The following PTGER3 variants were observed in gnomAD, a reference collection of about 807,000 sequenced individuals.
PTGER3 encodes prostaglandin E receptor 3, also known as prostaglandin E2 receptor EP3 subtype.
A neutral mutation model predicts 34.7 loss-of-function variants in PTGER3; 22 were observed. That is an observed-to-expected ratio of 0.63 (90% confidence interval 0.45 to 0.91). The LOEUF is 0.91. Among genes scored for constraint, PTGER3 ranks in the 40% least tolerant of loss-of-function variants. The pLI is 0.00. For missense variants in PTGER3, 468 were observed against 519.4 expected (o/e 0.90, Z 0.96); for synonymous variants, 241 against 230.1 (o/e 1.05, Z -0.43).
Position 71,046,685 on chromosome 1 carries a change from A to G in PTGER3, c.893T>C (p.Leu298Pro). The change falls in exon 1 of 4, where the codon CTC becomes CCC. Residue 298 changes from leucine (L) to proline (P), a missense_variant. Coordinates refer to ENST00000306666, the MANE Select transcript of PTGER3 (RefSeq NM_198719.2). The stretch of plus-strand genomic sequence containing the variant: ...CCCAACCCTGGAACTACCTACCAGG[A>G]GCGGAGACCAGCAGACCGACAGCAC... ...MCVLSVCWSP[L>P]LIMMLKMIFN... 1.3e-6 allele frequency: 2 copies of G among 1,555,636 alleles called. No individual in the cohort carries two copies. Among genetic ancestry groups the G allele is most frequent in the Non-Finnish European group, 1.7e-6 (2 of 1,151,014 alleles).
intron 4 of PTGER3, among the ~76,000 whole-genome samples, chr1:70,926,317 G>A (rs1648082952): frequency 6.6e-6 from 1 of 152,184 alleles, no homozygotes; most frequent in Non-Finnish European, 1.5e-5. Flanking sequence ...CATGAGCATG[G>A]AATGTTCTTT....
At chr1:71,037,487 T>C (rs1233362185) in intron 1 of PTGER3, among the ~76,000 whole-genome samples, 1 of 152,220 alleles carries the variant, frequency 6.6e-6, no homozygotes, top group Non-Finnish European at 1.5e-5. Flanking sequence ...GGCAGGCACA[T>C]AACAAGCTCT....
At chr1:70,869,550 C>T (rs1646119251) in intron 4 of PTGER3, among the ~76,000 whole-genome samples, 2 of 152,134 alleles carry the variant, frequency 1.3e-5, no homozygotes, top group African/African-American at 4.8e-5. Flanking sequence ...TTCCTTCCAC[C>T]TATAAGCCTG....
intron 4 of PTGER3, among the ~76,000 whole-genome samples, chr1:70,915,403 TA>T (rs1330033594): frequency 6.6e-6 from 1 of 151,634 alleles, no homozygotes; most frequent in Non-Finnish European, 1.5e-5. Flanking sequence ...ACAAAGACCT[TA>T]AAAAAGATCA....
In PTGER3 at chr1:71,046,665, C is replaced by T. The variant is rs747725164; in HGVS notation, c.897+16G>A. ...GCACACGCATCCTGACTTCCCCCAA[C>T]CCTGGAACTACCTACCAGGAGCGGA... is the stretch of plus-strand genomic sequence containing the variant. On this transcript the variant is annotated intron_variant, in intron 1 of 3. Transcript: ENST00000306666. 6.5e-7 allele frequency: 1 copy of T among 1,530,442 alleles called. No homozygotes were observed. Among genetic ancestry groups the T allele is most frequent in the Middle Eastern group, 1.8e-4 (1 of 5,696 alleles). 94.8% of individuals were successfully genotyped at this position (1,530,442 alleles called of 1,614,324 possible). A position where few individuals can be genotyped will look rare whatever the true frequency, so the allele number is the denominator to read the frequency against.
At chr1:70,896,596 G>A (rs975775531) in intron 4 of PTGER3, among the ~76,000 whole-genome samples, 48 of 152,126 alleles carry the variant, frequency 3.2e-4, no homozygotes, top group African/African-American at 1.1e-3. Context: ...AGCAGCCCTA[G>A]GAAGCTAATA....
At position 70,903,500 on chromosome 1, in the gene PTGER3, C is replaced by T. The variant is rs535259581; in HGVS notation, c.*23+50263G>A. Among the ~76,000 whole-genome samples, 7 of 152,088 alleles carry T rather than the reference C, an allele frequency of 4.6e-5. 1 individual carries two copies. The East Asian group carries it at 1.2e-3, about 25-fold the overall frequency. On this transcript the variant is annotated intron_variant, in intron 4 of 4. Transcript: ENST00000370931. The stretch of plus-strand genomic sequence containing the variant: ...AGGTAGCTATTATGGTTTCTTTTTC[C>T]ATTTATTGTTGAGGAAACTGGGCTT...
chr1:71,023,246 T>C (rs188800334), intron 1 of PTGER3, among the ~76,000 whole-genome samples: 7 of 152,076 alleles, frequency 4.6e-5, no homozygotes, highest in Admixed American at 4.6e-4. Context: ...TACTTGTCTG[T>C]AACATCAGAC....
intron 4 of PTGER3, among the ~76,000 whole-genome samples, chr1:70,931,028 G>C (rs1648636246): frequency 6.6e-6 from 1 of 152,154 alleles, no homozygotes; most frequent in Non-Finnish European, 1.5e-5. Context: ...AGGCAAGCTA[G>C]TTACTTCCTA....
At chr1:70,969,788 G>A (rs1484431182), downstream of PTGER3, among the ~76,000 whole-genome samples, 1 of 152,104 alleles carries the variant, frequency 6.6e-6, no homozygotes, top group East Asian at 1.9e-4. Flanking sequence ...TCAAGAAGCC[G>A]GTTTATAGTT....
intron 2 of PTGER3, among the ~76,000 whole-genome samples, chr1:71,001,025 A>C (rs924293985): frequency 6.6e-6 from 1 of 152,166 alleles, no homozygotes; most frequent in Admixed American, 6.5e-5. Context: ...ATGGTGTCAT[A>C]TGCTAGAAAA....
At chr1:70,858,927 T>G (rs1184820617) in intron 4 of PTGER3, among the ~76,000 whole-genome samples, 1 of 152,282 alleles carries the variant, frequency 6.6e-6, no homozygotes, top group Admixed American at 6.5e-5. Flanking sequence ...TTAAACATTA[T>G]TAGTTTTTTA....
At chr1:70,946,559 C>A (rs368909704) in intron 4 of PTGER3, among the ~76,000 whole-genome samples, 1 of 152,126 alleles carries the variant, frequency 6.6e-6, no homozygotes, top group Admixed American at 6.6e-5. Context: ...ACATCTTACA[C>A]AATTTAACAG....
intron 4 of PTGER3, among the ~76,000 whole-genome samples, chr1:70,885,711 A>C (rs1646483831): frequency 6.6e-6 from 1 of 152,200 alleles, no homozygotes; most frequent in Non-Finnish European, 1.5e-5. Flanking sequence ...TCCCTTCACC[A>C]AGCTCACAGT....
intron 4 of PTGER3, among the ~76,000 whole-genome samples, chr1:70,879,251 G>GTTTGTTTTGTTTTGT (rs111740086): frequency 1.7e-4 from 26 of 151,394 alleles, no homozygotes; most frequent in African/African-American, 5.6e-4. Flanking sequence ...TTTGTTTTTT[G>GTTTGTTTTGTTTTGT]TTTGTTTTGT....
At chr1:70,992,350 T>A (rs1393671459) in intron 2 of PTGER3, among the ~76,000 whole-genome samples, 1 of 152,218 alleles carries the variant, frequency 6.6e-6, no homozygotes, top group African/African-American at 2.4e-5. Flanking sequence ...GTGGTTGATA[T>A]CCTTGTTTTT....
At chr1:71,010,063 C>T (rs1657308994) in intron 2 of PTGER3, 1 of 985,006 alleles carries the variant, frequency 1.0e-6, no homozygotes, top group Non-Finnish European at 1.2e-6. Flanking sequence ...CAAAAGCTGC[C>T]ATTCATCCCC....
At chr1:70,908,204 C>T (rs1646990115) in intron 4 of PTGER3, among the ~76,000 whole-genome samples, 1 of 152,134 alleles carries the variant, frequency 6.6e-6, no homozygotes, top group Admixed American at 6.5e-5. Context: ...TATTTTATAA[C>T]AAAGATTGTA....
intron 4 of PTGER3, among the ~76,000 whole-genome samples, chr1:70,853,749 C>A (rs565730348): frequency 6.6e-6 from 1 of 152,074 alleles, no homozygotes; most frequent in Non-Finnish European, 1.5e-5. Context: ...GTAATCTAAA[C>A]GGTGTGGTAC....
Sources: allele counts gnomAD v4.1 joint callset (sites outside exome capture counted in the v4.1 genomes callset), GRCh38; gene constraint gnomAD v4.1.1; transcripts MANE v1.5; gene names NCBI Gene and HGNC (gene_info 2026-07-23, HGNC 2026-07-21).